The following PUDP variants were observed in gnomAD, a reference collection of about 807,000 sequenced individuals.
PUDP encodes pseudouridine 5'-phosphatase, also known as pseudouridine-5'-phosphatase.
PUDP carries 8 observed loss-of-function variants against 9.4 expected under a neutral mutation model. The observed-to-expected ratio is 0.85, with a 90% confidence interval of 0.50 to 1.53. The LOEUF is 1.53. Ranked by LOEUF, PUDP falls within the 40% of genes most tolerant of loss-of-function variation. The pLI is 0.00. For synonymous variants in PUDP, 99 were observed against 80.7 expected (o/e 1.23, Z -1.22); for missense variants, 188 against 189.7 (o/e 0.99, Z 0.05).
intron 1 of PUDP, among the ~76,000 whole-genome samples, chrX:7,022,883 TGC>T (rs1375819826): frequency 1.3e-4 from 15 of 111,735 alleles, no homozygotes; most frequent in African/African-American, 4.6e-4. Flanking sequence ...TGAAGGACAG[TGC>T]TCCCTGAGAG....
intron 1 of PUDP, among the ~76,000 whole-genome samples, chrX:6,981,914 G>T (rs1929037985): frequency 9.2e-6 from 1 of 109,280 alleles, no homozygotes; most frequent in African/African-American, 3.3e-5. Flanking sequence ...CAAAGTCCAG[G>T]CCTTCATGGT....
intron 3 of PUDP, among the ~76,000 whole-genome samples, chrX:6,891,895 T>G (rs1426749768): frequency 9.0e-6 from 1 of 111,678 alleles, no homozygotes; most frequent in Non-Finnish European, 1.9e-5. Flanking sequence ...GAGTCAACTT[T>G]CTCAACCAAG....
intron 3 of PUDP, among the ~76,000 whole-genome samples, chrX:6,771,138 G>A (rs1234009996): frequency 5.4e-5 from 6 of 111,276 alleles, no homozygotes; most frequent in Non-Finnish European, 9.4e-5. Context: ...ACACATACCA[G>A]GCTCAGAGCC....
intron 3 of PUDP, among the ~76,000 whole-genome samples, chrX:6,727,617 C>A (rs1423357818): frequency 9.0e-6 from 1 of 111,571 alleles, no homozygotes; most frequent in Non-Finnish European, 1.9e-5. Flanking sequence ...GGAACATGGT[C>A]GTAGGTGGAG....
intron 2 of PUDP, among the ~76,000 whole-genome samples, chrX:7,104,428 A>G (rs1164579978): frequency 8.9e-6 from 1 of 112,170 alleles, no homozygotes; most frequent in Non-Finnish European, 1.9e-5. Context: ...TTGTTCAATG[A>G]GCACGAAGTT....
intron 3 of PUDP, among the ~76,000 whole-genome samples, chrX:6,935,403 A>T (rs1316651054): frequency 1.8e-4 from 3 of 16,979 alleles, no homozygotes; most frequent in East Asian, 4.0e-3. Context: ...TAACGAAATG[A>T]AGGCAGAAAT....
intron 3 of PUDP, among the ~76,000 whole-genome samples, chrX:6,949,816 T>C (rs1311222052): frequency 1.8e-5 from 2 of 112,060 alleles, no homozygotes; most frequent in Non-Finnish European, 3.8e-5. Context: ...GGATCATTCA[T>C]GAAGCAGTGA....
intron 3 of PUDP, among the ~76,000 whole-genome samples, chrX:6,832,700 C>T (rs1191992104): frequency 9.0e-6 from 1 of 111,512 alleles, no homozygotes; most frequent in African/African-American, 3.3e-5. Context: ...TAAGCCCTTC[C>T]GGGGAGTAAC....
At chrX:6,945,425 G>A (rs1928450804) in intron 3 of PUDP, among the ~76,000 whole-genome samples, 1 of 111,540 alleles carries the variant, frequency 9.0e-6, no homozygotes, top group South Asian at 3.7e-4. Flanking sequence ...ATGTTTTTCT[G>A]TATATGCTTT....
At chrX:6,712,222 C>T (rs1924541158) in intron 1 of PUDP, among the ~76,000 whole-genome samples, 1 of 112,081 alleles carries the variant, frequency 8.9e-6, no homozygotes, top group Admixed American at 9.5e-5. Context: ...GTAATGTCAG[C>T]TCACTGCAAC....
intron 1 of PUDP, among the ~76,000 whole-genome samples, chrX:6,719,469 C>G (rs1924636567): frequency 8.9e-6 from 1 of 112,289 alleles, no homozygotes; most frequent in African/African-American, 3.2e-5. Flanking sequence ...ATTCCTGATT[C>G]ACAGAAACTG....
At chrX:6,906,065 C>T (rs917949220) in intron 3 of PUDP, among the ~76,000 whole-genome samples, 1 of 112,026 alleles carries the variant, frequency 8.9e-6, no homozygotes, top group African/African-American at 3.2e-5. Flanking sequence ...CATTATCTTC[C>T]ATGCGGCCCT....
At chrX:6,960,411 G>A (rs753004151) in intron 3 of PUDP, among the ~76,000 whole-genome samples, 5 of 111,517 alleles carry the variant, frequency 4.5e-5, no homozygotes, top group Non-Finnish European at 7.5e-5. Flanking sequence ...TTTGAGGCAG[G>A]GTCTTGCTCT....
At chrX:6,913,075 T>C (rs752618117) in intron 3 of PUDP, among the ~76,000 whole-genome samples, 20 of 112,225 alleles carry the variant, frequency 1.8e-4, no homozygotes, top group African/African-American at 5.5e-4. Flanking sequence ...TCATCCTTCA[T>C]TTTTATAAGT....
intron 3 of PUDP, among the ~76,000 whole-genome samples, chrX:6,728,600 C>A (rs1194648839): frequency 9.0e-6 from 1 of 111,648 alleles, no homozygotes; most frequent in African/African-American, 3.3e-5. Context: ...TGCCGAAAGT[C>A]ACGTAGGCAG....
chrX:7,076,980 T>A (rs1440998845), intron 3 of PUDP, among the ~76,000 whole-genome samples: 1 of 112,066 alleles, frequency 8.9e-6, no homozygotes, highest in Non-Finnish European at 1.9e-5. Flanking sequence ...AGATTGTCCC[T>A]GAGACCCAGT....
intron 3 of PUDP, among the ~76,000 whole-genome samples, chrX:6,811,939 C>G (rs1441890743): frequency 8.9e-6 from 1 of 112,291 alleles, no homozygotes; most frequent in Non-Finnish European, 1.9e-5. Context: ...AAGGGACTGG[C>G]CCCCAGGAAA....
intron 3 of PUDP, among the ~76,000 whole-genome samples, chrX:6,922,514 T>C (rs911078338): frequency 2.7e-5 from 3 of 112,425 alleles, no homozygotes; most frequent in African/African-American, 9.7e-5. Context: ...GGATCACTAC[T>C]CCCAAGTAAG....
intron 3 of PUDP, among the ~76,000 whole-genome samples, chrX:6,927,988 A>G (rs1237710959): frequency 9.8e-6 from 1 of 102,098 alleles, no homozygotes; most frequent in Non-Finnish European, 2.0e-5. Context: ...TTTGAGACAG[A>G]CTGTCATCCA....
Sources: allele counts gnomAD v4.1 joint callset (sites outside exome capture counted in the v4.1 genomes callset), GRCh38; gene constraint gnomAD v4.1.1; transcripts MANE v1.5; gene names NCBI Gene and HGNC (gene_info 2026-07-23, HGNC 2026-07-21).